DYNC2I1: variants seen among roughly 807,000 people sequenced by gnomAD.
DYNC2I1 encodes the protein dynein 2 intermediate chain 1, also known as cytoplasmic dynein 2 intermediate chain 1.
A neutral mutation model predicts 133.4 loss-of-function variants in DYNC2I1; 89 were observed. The observed-to-expected ratio is 0.67, with a 90% CI of 0.56 to 0.80. The LOEUF (loss-of-function observed/expected upper bound fraction) is 0.80, where lower values mean the gene tolerates loss of function less well. DYNC2I1 is among the 30% of genes least tolerant of loss of function. DYNC2I1 has a pLI of 0.00. For synonymous variants in DYNC2I1, 504 were observed against 484.3 expected (o/e 1.04, Z -0.54); for missense variants, 1,291 against 1,314.5 (o/e 0.98, Z 0.28).
intron 10 of DYNC2I1, chr7:158,903,930 A>G (rs977796435): frequency 1.2e-4 from 18 of 152,216 alleles, no homozygotes; most frequent in African/African-American, 4.3e-4. Flanking sequence ...AACTCTCAAT[A>G]TGAGATTATT....
intron 16 of DYNC2I1, among the ~76,000 whole-genome samples, chr7:158,922,870 A>G (rs1036440048): frequency 6.6e-6 from 1 of 152,034 alleles, no homozygotes. Context: ...GGGGCCCTAG[A>G]TGCCTGTGTT....
At chr7:158,954,099 T>C (rs989126592) in intron 4 of DYNC2I1, among the ~76,000 whole-genome samples, 1 of 152,144 alleles carries the variant, frequency 6.6e-6, no homozygotes, top group Non-Finnish European at 1.5e-5. Context: ...CTGGTGGTTT[T>C]ATTAAGGGCG....
intron 4 of DYNC2I1, 43 bp downstream of exon 4, chr7:158,876,734 CA>C: frequency 2.0e-6 from 3 of 1,506,052 alleles, no homozygotes; most frequent in Non-Finnish European, 2.6e-6. Context: ...CAAATGTTGC[CA>C]AGTAAAGGAT....
At chr7:158,866,221 C>T (rs1431149468) in intron 1 of DYNC2I1, among the ~76,000 whole-genome samples, 2 of 151,924 alleles carry the variant, frequency 1.3e-5, no homozygotes, top group African/African-American at 2.4e-5. Flanking sequence ...CTGTGTGCAG[C>T]GCCCACGTCT....
chr7:158,914,096 A>G, intron 13 of DYNC2I1, 137 bp from the exon 14 acceptor site: 2 of 626,458 alleles, frequency 3.2e-6, no homozygotes, highest in Non-Finnish European at 5.5e-6. Flanking sequence ...TCTAGAGAGT[A>G]TAGCTTGAAG....
At chr7:158,889,604 T>A (rs1392053458) in intron 7 of DYNC2I1, among the ~76,000 whole-genome samples, 1 of 152,122 alleles carries the variant, frequency 6.6e-6, no homozygotes, top group Admixed American at 6.5e-5. Flanking sequence ...ATTTATAATT[T>A]TAAATTTTAT....
At position 158,921,442 on chromosome 7, in the gene DYNC2I1, A is replaced by G. The variant is rs546482399; in HGVS notation, c.1922-935A>G. 3.9e-5 allele frequency among the ~76,000 whole-genome samples: 6 copies of G among 152,298 alleles called. 1 individual carries two copies. The highest frequency in any genetic ancestry group is 7.2e-5 in the African/African-American group (3 of 41,570). On this transcript the variant is annotated intron_variant, in intron 15 of 24. Transcript: ENST00000407559. Reference sequence around the variant, plus strand: ...ATCGCTACACCGTGGAAGACTGCCAATAAAAACCACAGGGCTTAGGAGAAA... The same window carrying G: ...ATCGCTACACCGTGGAAGACTGCCAGTAAAAACCACAGGGCTTAGGAGAAA...
At chr7:158,871,008 G>C (rs1299237245) in intron 2 of DYNC2I1, 134 bp from the exon 3 acceptor site, 1 of 1,023,022 alleles carries the variant, frequency 9.8e-7, no homozygotes, top group Non-Finnish European at 1.4e-6. Context: ...ATTGGAAACT[G>C]GGATTGGAAA....
intron 12 of DYNC2I1, among the ~76,000 whole-genome samples, chr7:158,911,947 C>T (rs1343452884): frequency 6.6e-6 from 1 of 152,148 alleles, no homozygotes; most frequent in Non-Finnish European, 1.5e-5. Flanking sequence ...GCTGTCCTGA[C>T]CTTGGAGTGA....
In DYNC2I1 at chr7:158,887,030, G is replaced by A; in HGVS notation, c.945G>A (p.Glu315=). The change falls in exon 7 of 25, where the codon GAG becomes GAA. Residue 315 remains glutamate (E), a synonymous_variant. Coordinates refer to ENST00000407559, the MANE Select transcript of DYNC2I1 (RefSeq NM_018051.5). ...KRDGTSSQHA[E]NLVRNHGKDK... is the part of the protein sequence containing the mutation. ...TATGTTTGCTTTCCAGGCATGCTGA[G>A]AATTTAGTAAGGAATCATGGAAAAG... The A allele has an allele frequency of 6.2e-7, 1 of 1,613,958 alleles. No individual in the cohort carries two copies. The highest frequency in any genetic ancestry group is 8.5e-7 in the Non-Finnish European group (1 of 1,179,856).
chr7:158,891,115 C>G lies in DYNC2I1; in HGVS notation c.991-150C>G. Reference sequence around the variant, plus strand: ...AGTTTGTCAGCCACCAGGCTGGGACCTGCATCCCAGAGCGTTAGTTTCGTA... The same window carrying G: ...AGTTTGTCAGCCACCAGGCTGGGACGTGCATCCCAGAGCGTTAGTTTCGTA... On this transcript the variant is annotated intron_variant, in intron 7 of 24. Coordinates refer to ENST00000407559, the MANE Select transcript of DYNC2I1 (RefSeq NM_018051.5). 4 of 780,288 alleles carry G rather than the reference C, an allele frequency of 5.1e-6. No individual in the cohort carries two copies. In the South Asian group the frequency reaches 6.3e-5, roughly 12 times the overall value. 48.3% of individuals were successfully genotyped at this position (780,288 alleles called of 1,614,324 possible). A position where few individuals can be genotyped will look rare whatever the true frequency, so the allele number is the denominator to read the frequency against.
At chr7:158,850,157 C>A in the DYNC2I1 span, among the ~76,000 whole-genome samples, 2 of 152,072 alleles carry the variant, frequency 1.3e-5, no homozygotes, top group Middle Eastern at 3.2e-3. Context: ...CCTGAAGGTG[C>A]AGGCTACAGA....
intron 8 of DYNC2I1, among the ~76,000 whole-genome samples, chr7:158,898,238 G>A (rs1845922977): frequency 6.6e-6 from 1 of 152,174 alleles, no homozygotes; most frequent in Non-Finnish European, 1.5e-5. Flanking sequence ...GTCTAACGCT[G>A]CCCATTATAC....
chr7:158,933,556 G>A (rs1374746759), intron 21 of DYNC2I1, among the ~76,000 whole-genome samples: 2 of 152,250 alleles, frequency 1.3e-5, no homozygotes, highest in Non-Finnish European at 2.9e-5. Flanking sequence ...GAGGAGCTTG[G>A]AAGAGCTTGA....
At chr7:158,884,476 T>C in intron 5 of DYNC2I1, 88 bp from the exon 6 acceptor site, 3 of 1,249,186 alleles carry the variant, frequency 2.4e-6, no homozygotes, top group Non-Finnish European at 3.3e-6. Context: ...ATTTTGAATC[T>C]GTGCTTGTTT....
Position 158,914,416 on chromosome 7 carries a change from T to C in DYNC2I1, c.1791+95T>C, listed in dbSNP as rs534538315. ...GGAGCTTTTAAGATCTTAAAGTCTTTGTAGCTTGGATAAATCAGAATCAGT... is the reference window on the plus strand; with the variant it reads ...GGAGCTTTTAAGATCTTAAAGTCTTCGTAGCTTGGATAAATCAGAATCAGT... On this transcript the variant is annotated intron_variant, in intron 14 of 24. Transcript: ENST00000407559. The C allele has an allele frequency of 7.8e-5, 74 of 946,528 alleles. No homozygotes were observed. In the African/African-American group the frequency reaches 1.2e-3, roughly 15 times the overall value. 58.6% of individuals were successfully genotyped at this position (946,528 alleles called of 1,614,324 possible).
intron 5 of DYNC2I1, among the ~76,000 whole-genome samples, chr7:158,883,907 G>A (rs1239449235): frequency 5.3e-5 from 8 of 150,876 alleles, no homozygotes; most frequent in South Asian, 4.2e-4. Flanking sequence ...CTCGTGATCC[G>A]CCCGCCTCGG....
At chr7:158,882,860 A>G (rs896390055) in intron 5 of DYNC2I1, among the ~76,000 whole-genome samples, 1 of 145,684 alleles carries the variant, frequency 6.9e-6, no homozygotes, top group Non-Finnish European at 1.5e-5. Context: ...TGGAGGACAG[A>G]GTGAGCCTTT....
intron 1 of DYNC2I1, among the ~76,000 whole-genome samples, chr7:158,859,533 C>T (rs139229569): frequency 2.0e-5 from 3 of 152,012 alleles, no homozygotes; most frequent in Non-Finnish European, 2.9e-5. Context: ...GACAGAGTCT[C>T]GCTCTGTCGC....
Sources: allele counts gnomAD v4.1 joint callset (sites outside exome capture counted in the v4.1 genomes callset), GRCh38; gene constraint gnomAD v4.1.1; transcripts MANE v1.5; gene names NCBI Gene and HGNC (gene_info 2026-07-23, HGNC 2026-07-21).